The following STAT1 variants were observed in gnomAD, a reference collection of about 807,000 sequenced individuals.
The protein encoded by STAT1 is signal transducer and activator of transcription 1, also known as signal transducer and activator of transcription 1-alpha/beta.
In STAT1, 24 loss-of-function variants were observed where a neutral mutation model predicts 111.7. The observed-to-expected ratio is 0.21, with a 90% CI of 0.16 to 0.30. The LOEUF is 0.30. Ranked by LOEUF, STAT1 falls within the 10% of genes least tolerant of loss-of-function variation. The pLI is 1.00. For synonymous variants in STAT1, 332 were observed against 326.5 expected (o/e 1.02, Z -0.18); for missense variants, 351 against 911.9 (o/e 0.38, Z 7.92).
chr2:191,009,429 AAAT>A (rs151232124), intron 3 of STAT1, among the ~76,000 whole-genome samples: 63,267 of 151,794 alleles, frequency 0.42, 15,204 homozygotes, highest in Non-Finnish European at 0.54. Context: ...TTAAATTAGC[AAAT>A]AATAAATTTT....
chr2:190,998,069 A>AT lies in STAT1; in HGVS notation c.634-63dup. 6.3e-7 allele frequency: 1 copy of AT among 1,589,902 alleles called. No homozygotes were observed. Among genetic ancestry groups the AT allele is most frequent in the East Asian group, 2.3e-5 (1 of 42,974 alleles). On this transcript the variant is annotated intron_variant, in intron 8 of 24. Coordinates refer to ENST00000361099, the MANE Select transcript of STAT1 (RefSeq NM_007315.4). The surrounding 1 kb of genome is among the most constrained non-coding windows in gnomAD (Gnocchi z 4.1). ...ATTTTTAATCACTGAATTTTAAAAT[A>AT]TTTTTTAAAAGAAAAGCAAATATCA... is the stretch of plus-strand genomic sequence containing the variant.
At chr2:191,008,134 G>A in intron 4 of STAT1, 1 of 381,514 alleles carries the variant, frequency 2.6e-6, no homozygotes, top group Non-Finnish European at 5.2e-6. Context: ...AGCAATAATG[G>A]CTCTTTATAC....
intron 10 of STAT1, among the ~76,000 whole-genome samples, chr2:190,994,373 G>A (rs1172172102): frequency 6.6e-6 from 1 of 152,114 alleles, no homozygotes; most frequent in African/African-American, 2.4e-5. Flanking sequence ...TCTGCTCTGG[G>A]ACAGCACTGG....
rs1302320610 is a variant in STAT1, at chr2:190,986,929, A to G, written c.1146T>C (p.Ile382=). 6.2e-7 allele frequency: 1 copy of G among 1,614,184 alleles called. No individual in the cohort carries two copies. The change falls in exon 14 of 25, where the codon ATT becomes ATC. Residue 382 remains isoleucine (I), a synonymous_variant. Coordinates refer to ENST00000361099, the MANE Select transcript of STAT1 (RefSeq NM_007315.4). This position sits in a 1 kb window ranked among gnomAD's most constrained non-coding sequence, Gnocchi z 5.0. The part of the protein sequence containing the change: ...NTVKGFRKFN[I]LGTHTKVMNM... ...TCATCACTTTTGTGTGCGTGCCCAA[A>G]ATGTTGAACTTCCTAAATCTATACA...
In STAT1 at chr2:191,000,801, G is replaced by C. The variant is rs1210200941; in HGVS notation, c.462+273C>G. Among the ~76,000 whole-genome samples the C allele has an allele frequency of 2.0e-5, 3 of 152,108 alleles. No individual in the cohort carries two copies. Among genetic ancestry groups the C allele is most frequent in the Admixed American group, 1.3e-4 (2 of 15,260 alleles). ...TAGAGCAGCAACATCTCATTTACTG[G>C]GTACTGGGCAAAGTCAACATTTACT... is the stretch of plus-strand genomic sequence containing the variant. On this transcript the variant is annotated intron_variant, in intron 6 of 24. Coordinates refer to ENST00000361099, the MANE Select transcript of STAT1 (RefSeq NM_007315.4). The surrounding 1 kb of genome is among the most constrained non-coding windows in gnomAD (Gnocchi z 4.8).
chr2:190,979,884 C>T lies in STAT1; in HGVS notation c.1633-18G>A, dbSNP rs753177568. 5 of 1,537,378 alleles carry T rather than the reference C, an allele frequency of 3.3e-6. No homozygotes were observed. Among genetic ancestry groups the T allele is most frequent in the Non-Finnish European group, 4.5e-6 (5 of 1,110,626 alleles). On this transcript the variant is annotated intron_variant, in intron 19 of 24. Transcript: ENST00000361099. This position sits in a 1 kb window ranked among gnomAD's most constrained non-coding sequence, Gnocchi z 5.8. ...ATATTTTCCTGAAAGTATACAAATG[C>T]AGACATTATGAACAAAAATCTAAAA...
intron 5 of STAT1, among the ~76,000 whole-genome samples, chr2:191,002,782 T>C (rs1297503001): frequency 6.6e-6 from 1 of 152,200 alleles, no homozygotes; most frequent in Non-Finnish European, 1.5e-5. Flanking sequence ...AGAATGGAGA[T>C]ATATATATTT....
At position 190,981,072 on chromosome 2, in the gene STAT1, A is replaced by T. The variant is rs1226617217; in HGVS notation, c.1583-403T>A. 6.6e-6 allele frequency among the ~76,000 whole-genome samples: 1 copy of T among 151,750 alleles called. No homozygotes were observed. Among genetic ancestry groups the T allele is most frequent in the East Asian group, 1.9e-4 (1 of 5,158 alleles). On this transcript the variant is annotated intron_variant, in intron 18 of 24. Coordinates refer to ENST00000361099, the MANE Select transcript of STAT1 (RefSeq NM_007315.4). The surrounding 1 kb of genome is among the most constrained non-coding windows in gnomAD (Gnocchi z 4.1). The stretch of plus-strand genomic sequence containing the variant: ...AGTCCTTTTAATGCCTCTTCATGTT[A>T]CACTTCCTTCCAAGACCATCAGCTG...
At position 190,984,259 on chromosome 2, in the gene STAT1, TTAAAAG is replaced by T. The variant is rs1217056858; in HGVS notation, c.1347+45_1347+50del. Reference sequence around the variant, plus strand: ...TGAGAAATAAAAATACATGTAACAATTAAAAGTAAAAATAATGAAGTTTTCCAACTC... The same window carrying T: ...TGAGAAATAAAAATACATGTAACAATTAAAAATAATGAAGTTTTCCAACTC... On this transcript the variant is annotated intron_variant, in intron 16 of 24. Transcript: ENST00000361099. The surrounding 1 kb of genome is among the most constrained non-coding windows in gnomAD (Gnocchi z 5.2). 1 of 1,407,718 alleles carries T rather than the reference TTAAAAG, an allele frequency of 7.1e-7. No individual in the cohort carries two copies. The allele number at this position is 1,407,718 out of a possible 1,614,324, so 87.2% of individuals were successfully genotyped here.
In STAT1 at chr2:191,000,906, T is replaced by C. The variant is rs1019321052; in HGVS notation, c.462+168A>G. 6.6e-6 allele frequency among the ~76,000 whole-genome samples: 1 copy of C among 152,232 alleles called. No individual in the cohort carries two copies. The highest frequency in any genetic ancestry group is 1.5e-5 in the Non-Finnish European group (1 of 68,038). ...GCCATTCAAAAAGTCTATCTGGTCA[T>C]TGATTTTGCCAATTTGTTTACTTAT... On this transcript the variant is annotated intron_variant, in intron 6 of 24. Coordinates refer to ENST00000361099, the MANE Select transcript of STAT1 (RefSeq NM_007315.4). This position sits in a 1 kb window ranked among gnomAD's most constrained non-coding sequence, Gnocchi z 4.8.
chr2:190,977,035 A>G lies in STAT1; in HGVS notation c.1874-10T>C. On this transcript the variant is annotated splice_polypyrimidine_tract_variant and intron_variant, in intron 21 of 24. Transcript: ENST00000361099. This position sits in a 1 kb window ranked among gnomAD's most constrained non-coding sequence, Gnocchi z 4.7. ...GCATGGAAGTCAGGTTCTAAAAAGG[A>G]GAAAAGCTAAGTAAATCCCATAGAA... 6.2e-7 allele frequency: 1 copy of G among 1,613,860 alleles called. No individual in the cohort carries two copies. Among genetic ancestry groups the G allele is most frequent in the Non-Finnish European group, 8.5e-7 (1 of 1,179,812 alleles).
intron 3 of STAT1, 135 bp downstream of exon 3, chr2:191,009,741 C>G: frequency 7.5e-7 from 1 of 1,325,524 alleles, no homozygotes; most frequent in Non-Finnish European, 1.1e-6. Flanking sequence ...TTTAAATCAA[C>G]AAACTTTTCT....
rs1490866036 is a variant in STAT1 at position 191,013,565 on chromosome 2, A to G, written c.-42T>C. On this transcript the variant is annotated 5_prime_UTR_variant, in exon 2 of 25. Coordinates refer to ENST00000361099, the MANE Select transcript of STAT1 (RefSeq NM_007315.4). ...CCAACAAGGGCCTGGGGATTCAACC[A>G]AAGGAGCAGCTACGCACAGCACGTT... The G allele has an allele frequency of 5.0e-6, 2 of 398,472 alleles. No homozygotes were observed. Among genetic ancestry groups the G allele is most frequent in the Non-Finnish European group, 8.8e-6 (2 of 226,056 alleles). 24.7% of individuals were successfully genotyped at this position (398,472 alleles called of 1,614,324 possible).
rs1440754581 is a variant in STAT1 at position 190,993,602 on chromosome 2, T to G, written c.944+1459A>C. The G allele has an allele frequency of 2.0e-5, 12 of 589,580 alleles. No individual in the cohort carries two copies. The highest frequency in any genetic ancestry group is 4.0e-5 in the Non-Finnish European group (12 of 302,810). 36.5% of individuals were successfully genotyped at this position (589,580 alleles called of 1,614,324 possible). On this transcript the variant is annotated intron_variant, in intron 10 of 24. Transcript: ENST00000361099. The surrounding 1 kb of genome is among the most constrained non-coding windows in gnomAD (Gnocchi z 4.1). ...GCTGCCACCGCTGCCACGGCCACCCTTGCTGCTACAGCTGCTGCCCTGACT... is the reference window on the plus strand; with the variant it reads ...GCTGCCACCGCTGCCACGGCCACCCGTGCTGCTACAGCTGCTGCCCTGACT...
chr2:190,969,528 T>A lies in STAT1; in HGVS notation c.*1175A>T, dbSNP rs967975098. 1 of 152,146 alleles carries A rather than the reference T, an allele frequency of 6.6e-6. No individual in the cohort carries two copies. The highest frequency in any genetic ancestry group is 2.4e-5 in the African/African-American group (1 of 41,436). The allele number at this position is 152,146 out of a possible 1,614,324, so 9.4% of individuals were successfully genotyped here. A position where few individuals can be genotyped will look rare whatever the true frequency, so the allele number is the denominator to read the frequency against. ...TGTCAGTGATAAGGAAGGAAAAAGGTAAAAATACAGTATACTTCACGAAAC... is the reference window on the plus strand; with the variant it reads ...TGTCAGTGATAAGGAAGGAAAAAGGAAAAAATACAGTATACTTCACGAAAC... On this transcript the variant is annotated 3_prime_UTR_variant, in exon 25 of 25. Coordinates refer to ENST00000361099, the MANE Select transcript of STAT1 (RefSeq NM_007315.4).
rs1279221079 is a variant in STAT1, at chr2:190,977,012, A to G, written c.1887T>C (p.His629=). ...CTTTCTTCGTGTAGGGTTCAACCGC[A>G]TGGAAGTCAGGTTCTAAAAAGGAGA... ...RSQNGGEPDF[H]AVEPYTKKEL... Residue 629 remains histidine, a synonymous_variant, in exon 22 of 25, where the codon CAT becomes CAC. Coordinates refer to ENST00000361099, the MANE Select transcript of STAT1 (RefSeq NM_007315.4). The surrounding 1 kb of genome is among the most constrained non-coding windows in gnomAD (Gnocchi z 4.7). 1 of 1,614,196 alleles carries G rather than the reference A, an allele frequency of 6.2e-7. No individual in the cohort carries two copies. Among genetic ancestry groups the G allele is most frequent in the South Asian group, 1.1e-5 (1 of 91,090 alleles).
At position 190,988,049 on chromosome 2, in the gene STAT1, C is replaced by T. The variant is rs865856266; in HGVS notation, c.1098-981G>A. Among the ~76,000 whole-genome samples the T allele has an allele frequency of 1.7e-4, 26 of 152,182 alleles. 1 individual carries two copies. The highest frequency in any genetic ancestry group is 3.9e-4 in the African/African-American group (16 of 41,440). ...GGCAACACAACTCTTGTGCTTCCTC[C>T]GTTTAGGAAGTAGGATATACTTCCC... is the stretch of plus-strand genomic sequence containing the variant. On this transcript the variant is annotated intron_variant, in intron 12 of 24. Transcript: ENST00000361099.
chr2:190,994,447 G>A (rs1247075696), intron 10 of STAT1, among the ~76,000 whole-genome samples: 1 of 152,074 alleles, frequency 6.6e-6, no homozygotes, highest in African/African-American at 2.4e-5. Flanking sequence ...CCAGAAAGGA[G>A]GATTTGAGAG....
In STAT1 at chr2:190,970,399, T is replaced by G. The variant is rs190542524; in HGVS notation, c.*304A>C. On this transcript the variant is annotated 3_prime_UTR_variant, in exon 25 of 25. Transcript: ENST00000361099. This position sits in a 1 kb window ranked among gnomAD's most constrained non-coding sequence, Gnocchi z 5.4. ...TTGCTAGATGTTGCTTAACTTCTCCTTTCCCAAAGGACCCTCATTCTCGTC... is the reference window on the plus strand; with the variant it reads ...TTGCTAGATGTTGCTTAACTTCTCCGTTCCCAAAGGACCCTCATTCTCGTC... 1.9e-5 allele frequency: 9 copies of G among 466,692 alleles called. No homozygotes were observed. The highest frequency in any genetic ancestry group is 3.4e-5 in the Admixed American group (1 of 29,696). 28.9% of individuals were successfully genotyped at this position (466,692 alleles called of 1,614,324 possible).
Sources: allele counts gnomAD v4.1 joint callset (sites outside exome capture counted in the v4.1 genomes callset), GRCh38; gene constraint gnomAD v4.1.1; non-coding constraint Gnocchi (gnomAD v3.1); transcripts MANE v1.5; gene names NCBI Gene and HGNC (gene_info 2026-07-23, HGNC 2026-07-21).